MAPK10: variants seen among roughly 807,000 people sequenced by gnomAD.
MAPK10 encodes the protein mitogen-activated protein kinase 10, also known as JNK3 alpha protein kinase.
A neutral mutation model predicts 59.3 loss-of-function variants in MAPK10; 25 were observed. That is an observed-to-expected ratio of 0.42 (90% CI 0.31 to 0.59). The LOEUF (loss-of-function observed/expected upper bound fraction) is 0.59, where lower values mean the gene tolerates loss of function less well. Ranked by LOEUF, MAPK10 falls within the 20% of genes least tolerant of loss-of-function variation. The probability of loss-of-function intolerance (pLI) is 0.15; values close to 1 mark genes in which losing one functional copy is unlikely to be tolerated. For missense variants in MAPK10, 351 were observed against 568.9 expected, an observed-to-expected ratio of 0.62 and a Z score of 3.90; for synonymous variants, 190 against 200.5, an observed-to-expected ratio of 0.95 and a Z score of 0.44.
Position 86,017,544 on chromosome 4 carries a change from G to A in MAPK10, c.1253-174C>T, listed in dbSNP as rs114423900. On this transcript the variant is annotated intron_variant, in intron 13 of 13. Coordinates refer to ENST00000641462, the MANE Select transcript of MAPK10 (RefSeq NM_138982.4). This position sits in a 1 kb window ranked among gnomAD's most constrained non-coding sequence, Gnocchi z 4.4. ...GAGCATATCAAATGGTGACAATCAAGACATAGCAATAAAAAGTCCTTCATC... is the reference window on the plus strand; with the variant it reads ...GAGCATATCAAATGGTGACAATCAAAACATAGCAATAAAAAGTCCTTCATC... 6.6e-6 allele frequency among the ~76,000 whole-genome samples: 1 copy of A among 152,092 alleles called. No individual in the cohort carries two copies. The highest frequency in any genetic ancestry group is 2.4e-5 in the African/African-American group (1 of 41,392).
chr4:86,473,831 C>A (rs1283845466), intron 1 of MAPK10, among the ~76,000 whole-genome samples: 1 of 152,134 alleles, frequency 6.6e-6, no homozygotes, highest in African/African-American at 2.4e-5. Flanking sequence ...GTGATTCCAG[C>A]AGCCAGCAAT....
Position 86,537,216 on chromosome 4 carries a change from C to G in MAPK10, c.-263+56694G>C, listed in dbSNP as rs534812794. Among the ~76,000 whole-genome samples the G allele has an allele frequency of 7.2e-5, 11 of 152,146 alleles. No individual in the cohort carries two copies. The South Asian group carries it at 2.3e-3, about 32-fold the overall frequency. ...AGGCAGAGTGGTGCATATGAGAGAACTGATCAAATAAGTAAAAGTACTAAC... is the reference window on the plus strand; with the variant it reads ...AGGCAGAGTGGTGCATATGAGAGAAGTGATCAAATAAGTAAAAGTACTAAC... On this transcript the variant is annotated intron_variant, in intron 1 of 4. Transcript: ENST00000502302.
At chr4:86,244,138 C>T (rs80205829) in intron 2 of MAPK10, among the ~76,000 whole-genome samples, 12,772 of 152,178 alleles carry the variant, frequency 0.084, 1,186 homozygotes, top group African/African-American at 0.23. Flanking sequence ...GCTGCAAAGG[C>T]ATGTACACCT....
At chr4:86,067,577 A>G (rs946938721) in intron 10 of MAPK10, among the ~76,000 whole-genome samples, 196 bp downstream of exon 10, 1 of 152,182 alleles carries the variant, frequency 6.6e-6, no homozygotes, top group African/African-American at 2.4e-5. Context: ...GGGTTATGCT[A>G]ATTGCTCTGA....
At chr4:86,102,073 A>T (rs749071622) in intron 6 of MAPK10, 41 bp from the exon 7 acceptor site, 13 of 1,586,992 alleles carry the variant, frequency 8.2e-6, no homozygotes, top group Non-Finnish European at 1.1e-5. Context: ...AGATCACAAG[A>T]TCTATGAAGT....
intron 2 of MAPK10, 90 bp from the exon 3 acceptor site, chr4:86,194,497 G>A: frequency 2.6e-6 from 2 of 782,424 alleles, no homozygotes; most frequent in South Asian, 2.9e-5. Context: ...TGAGTTATAT[G>A]CAAAGTACCA....
intron 1 of MAPK10, among the ~76,000 whole-genome samples, chr4:86,433,855 C>T (rs1454674385): frequency 6.6e-6 from 1 of 152,058 alleles, no homozygotes; most frequent in African/African-American, 2.4e-5. Context: ...CATGAATGAG[C>T]CATGAAATCA....
intron 1 of MAPK10, among the ~76,000 whole-genome samples, chr4:86,593,552 G>A (rs1763263272): frequency 6.6e-6 from 1 of 152,204 alleles, no homozygotes; most frequent in Non-Finnish European, 1.5e-5. Flanking sequence ...TATCGACTAT[G>A]TTAAACCTTT....
intron 1 of MAPK10, chr4:86,358,759 G>A (rs943414323): frequency 6.6e-6 from 1 of 151,978 alleles, no homozygotes; most frequent in African/African-American, 2.4e-5. Flanking sequence ...CATTTATTTT[G>A]TTGAAGGCAC....
intron 11 of MAPK10, among the ~76,000 whole-genome samples, chr4:86,040,094 G>T (rs1054228329): frequency 6.6e-6 from 1 of 152,072 alleles, no homozygotes; most frequent in African/African-American, 2.4e-5. Context: ...TCAGTGTAAG[G>T]AAATAAGAAA....
intron 11 of MAPK10, among the ~76,000 whole-genome samples, chr4:86,057,940 T>A (rs1468151961): frequency 6.7e-6 from 1 of 149,666 alleles, no homozygotes; most frequent in Non-Finnish European, 1.5e-5. Flanking sequence ...TCCCCTTACG[T>A]ACATGTGGTC....
In MAPK10 at chr4:86,064,454, G is replaced by A. The variant is rs1434621075; in HGVS notation, c.986-64C>T. 13 of 1,540,692 alleles carry A rather than the reference G, an allele frequency of 8.4e-6. No individual in the cohort carries two copies. In the East Asian group the frequency reaches 2.5e-4, roughly 29 times the overall value. ...GATTTCAGTAAGGAAATTTGTCAGA[G>A]AGGAAATTTAAGAAAACAAAGTATG... On this transcript the variant is annotated intron_variant, in intron 10 of 13. Transcript: ENST00000641462.
chr4:86,547,472 CG>C (rs1759314754), intron 1 of MAPK10, among the ~76,000 whole-genome samples: 1 of 152,056 alleles, frequency 6.6e-6, no homozygotes, highest in African/African-American at 2.4e-5. Flanking sequence ...AATTTCTCGC[CG>C]GGCCTTAGTT....
chr4:86,384,572 G>A (rs1041160075), intron 1 of MAPK10, among the ~76,000 whole-genome samples: 4 of 152,126 alleles, frequency 2.6e-5, no homozygotes, highest in African/African-American at 9.7e-5. Flanking sequence ...GAGTCTAGGT[G>A]GAAACAGTGG....
At chr4:86,086,843 T>C (rs1051008989) in intron 9 of MAPK10, among the ~76,000 whole-genome samples, 1 of 152,178 alleles carries the variant, frequency 6.6e-6, no homozygotes, top group African/African-American at 2.4e-5. Flanking sequence ...TGATATTCAG[T>C]GTTCAAAATT....
intron 2 of MAPK10, 87 bp from the exon 3 acceptor site, chr4:86,194,494 T>C (rs1405887646): frequency 3.8e-6 from 3 of 793,878 alleles, no homozygotes; most frequent in Non-Finnish European, 6.7e-6. Flanking sequence ...ATTTGAGTTA[T>C]ATGCAAAGTA....
intron 2 of MAPK10, among the ~76,000 whole-genome samples, chr4:86,215,777 G>A (rs753793221): frequency 9.2e-5 from 14 of 152,236 alleles, no homozygotes; most frequent in East Asian, 7.7e-4. Context: ...CAGGAGAATC[G>A]CTTGAACCCG....
Position 86,183,350 on chromosome 4 carries a change from T to G in MAPK10, c.66+10986A>C, listed in dbSNP as rs1481707171. On this transcript the variant is annotated intron_variant, in intron 3 of 13. Transcript: ENST00000641462. ...TTCCCCTTCCTGTGTACATGTGTTC[T>G]CATTGTTCAGTTCCCATCTATGAGT... 3.4e-5 allele frequency among the ~76,000 whole-genome samples: 5 copies of G among 146,048 alleles called. No individual in the cohort carries two copies. In the East Asian group the frequency reaches 1.1e-3, roughly 32 times the overall value.
intron 3 of MAPK10, chr4:86,171,044 A>G (rs575825246): frequency 2.0e-5 from 3 of 152,168 alleles, no homozygotes; most frequent in Non-Finnish European, 4.4e-5. Flanking sequence ...AAGACACAAC[A>G]TACCGGAATC....
Sources: gnomAD v4.1 joint callset for allele counts (sites outside exome capture counted in the v4.1 genomes callset) on GRCh38, gnomAD v4.1.1 for gene constraint, Gnocchi (gnomAD v3.1) non-coding constraint, MANE v1.5 for transcripts, NCBI Gene and HGNC (gene_info 2026-07-23, HGNC 2026-07-21) for gene names.